Variants in PCDH15 observed in about 807,000 individuals in gnomAD.
The protein encoded by PCDH15 is protocadherin-15.
Under a neutral mutation model 178.5 loss-of-function variants are expected in PCDH15, and 129 were observed. The ratio of observed to expected loss-of-function variants is 0.72; its 90% CI spans 0.63 to 0.84. The LOEUF (loss-of-function observed/expected upper bound fraction) is 0.84. PCDH15 is among the 40% of genes least tolerant of loss of function. PCDH15 has a pLI of 0.00. For synonymous variants in PCDH15, 800 were observed against 732.0 expected (o/e 1.09, Z -1.50); for missense variants, 2,230 against 2,099.9 (o/e 1.06, Z -1.21).
intron 3 of PCDH15, among the ~76,000 whole-genome samples, chr10:54,879,192 G>C (rs1954212379): frequency 6.6e-6 from 1 of 151,698 alleles, no homozygotes; most frequent in Non-Finnish European, 1.5e-5. Flanking sequence ...TTGTGTGTGT[G>C]TGTGTGTGTG....
intron 13 of PCDH15, among the ~76,000 whole-genome samples, chr10:54,182,285 T>C (rs905534510): frequency 6.6e-6 from 1 of 152,174 alleles, no homozygotes; most frequent in Non-Finnish European, 1.5e-5. Context: ...TGATTTCTAA[T>C]TTTAATTAAC....
chr10:54,013,781 A>G (rs954941339), intron 20 of PCDH15, among the ~76,000 whole-genome samples: 1 of 152,158 alleles, frequency 6.6e-6, no homozygotes, highest in African/African-American at 2.4e-5. Flanking sequence ...TTATAGCACT[A>G]AATGCCCACA....
At chr10:55,587,180 A>G (rs1473104390) in intron 2 of PCDH15, among the ~76,000 whole-genome samples, 1 of 152,144 alleles carries the variant, frequency 6.6e-6, no homozygotes, top group Non-Finnish European at 1.5e-5. Flanking sequence ...ATGTTATACA[A>G]GAGAAGAAAA....
At chr10:54,968,915 T>C (rs1838863482) in intron 2 of PCDH15, among the ~76,000 whole-genome samples, 4 of 152,168 alleles carry the variant, frequency 2.6e-5, no homozygotes, top group Admixed American at 2.6e-4. Flanking sequence ...CTGTTAATCC[T>C]ATCCAGTATA....
intron 25 of PCDH15, among the ~76,000 whole-genome samples, chr10:53,928,595 G>T (rs561635535): frequency 2.0e-5 from 3 of 152,020 alleles, no homozygotes; most frequent in African/African-American, 7.2e-5. Flanking sequence ...TTTCTGCAAA[G>T]GTTGTTATTT....
chr10:54,608,371 C>A (rs1035858464), intron 2 of PCDH15, among the ~76,000 whole-genome samples: 2 of 151,698 alleles, frequency 1.3e-5, no homozygotes, highest in East Asian at 3.9e-4. Context: ...CTTAGAGAGG[C>A]TGATGTGGGA....
Position 55,582,613 on chromosome 10 carries a change from TATATATATATA to T in PCDH15, c.-156+45001_-156+45011del, listed in dbSNP as rs1391664087. ...GTGTATGTGTATATATATATATATA[TATATATATATA>T]TATATTTTTTTTTTTTTGCTATATT... On this transcript the variant is annotated intron_variant, in intron 2 of 5. Coordinates refer to the PCDH15 transcript ENST00000613346. Among the ~76,000 whole-genome samples, 28 of 93,108 alleles carry T rather than the reference TATATATATATA, an allele frequency of 3.0e-4. 2 individuals are homozygous for T. Among genetic ancestry groups the T allele is most frequent in the African/African-American group, 1.4e-3 (26 of 18,148 alleles). The allele number at this position is 93,108 out of a possible 152,430, so 61.1% of individuals were successfully genotyped here.
At chr10:53,946,065 T>C (rs1434541540) in intron 23 of PCDH15, among the ~76,000 whole-genome samples, 4 of 151,650 alleles carry the variant, frequency 2.6e-5, no homozygotes, top group Non-Finnish European at 5.9e-5. Flanking sequence ...CCAGTAAATA[T>C]GTGAAAAAAA....
At chr10:55,417,350 T>C (rs1589006924) in intron 2 of PCDH15, among the ~76,000 whole-genome samples, 2 of 151,696 alleles carry the variant, frequency 1.3e-5, no homozygotes, top group East Asian at 1.9e-4. Context: ...AAAGAATTCT[T>C]TGGGACTGAA....
At chr10:54,442,624 T>C (rs2075899571) in intron 3 of PCDH15, among the ~76,000 whole-genome samples, 1 of 150,050 alleles carries the variant, frequency 6.7e-6, no homozygotes, top group African/African-American at 2.4e-5. Context: ...TATGTGCAGA[T>C]TGTTTCATTT....
rs114965171 is a variant in PCDH15, at chr10:55,621,876, A to G, written c.-156+5749T>C. 2.0e-3 allele frequency among the ~76,000 whole-genome samples: 298 copies of G among 151,006 alleles called. 1 individual carries two copies. Among genetic ancestry groups the G allele is most frequent in the African/African-American group, 7.0e-3 (290 of 41,180 alleles). On this transcript the variant is annotated intron_variant, in intron 2 of 5. Transcript: ENST00000613346. ...TATGTATATGTGGACATATATACTA[A>G]CATATACATGATTTTCTGATTTGAA...
chr10:54,301,662 GA>G (rs2060157192), intron 8 of PCDH15, among the ~76,000 whole-genome samples: 1 of 152,210 alleles, frequency 6.6e-6, no homozygotes, highest in Non-Finnish European at 1.5e-5. Flanking sequence ...CCAGCCATTT[GA>G]TACTATGCTT....
chr10:54,660,971 A>G (rs2094481130), intron 2 of PCDH15, among the ~76,000 whole-genome samples: 1 of 152,110 alleles, frequency 6.6e-6, no homozygotes, highest in Admixed American at 6.6e-5. Flanking sequence ...GCAAAATAAT[A>G]AGAGCCGTCT....
chr10:54,222,878 A>G (rs574884522), intron 9 of PCDH15, among the ~76,000 whole-genome samples: 1 of 152,194 alleles, frequency 6.6e-6, no homozygotes, highest in Non-Finnish European at 1.5e-5. Context: ...TGTTGGATAC[A>G]TTTCGCAAAT....
chr10:54,196,000 A>G (rs1489990746), intron 10 of PCDH15, 111 bp from the exon 11 acceptor site: 2 of 933,066 alleles, frequency 2.1e-6, no homozygotes, highest in Non-Finnish European at 3.3e-6. Flanking sequence ...ATATCATCAC[A>G]TAAGGAAAAA....
intron 2 of PCDH15, among the ~76,000 whole-genome samples, chr10:55,101,910 A>G (rs1038849446): frequency 6.6e-6 from 1 of 151,738 alleles, no homozygotes; most frequent in Admixed American, 6.6e-5. Context: ...TCAATATGAA[A>G]AAATAATTAC....
intron 2 of PCDH15, among the ~76,000 whole-genome samples, chr10:55,064,304 CTTAA>C (rs964469047): frequency 1.3e-5 from 2 of 152,108 alleles, no homozygotes; most frequent in African/African-American, 2.4e-5. Flanking sequence ...ATCAAAATAA[CTTAA>C]TTGATTGACA....
intron 2 of PCDH15, among the ~76,000 whole-genome samples, chr10:54,960,006 T>C (rs1271683808): frequency 1.3e-5 from 2 of 152,162 alleles, no homozygotes; most frequent in African/African-American, 2.4e-5. Flanking sequence ...TTTTGGTCTT[T>C]GAAAATTTGT....
chr10:55,033,475 C>T (rs911128625), intron 2 of PCDH15, among the ~76,000 whole-genome samples: 1 of 152,158 alleles, frequency 6.6e-6, no homozygotes, highest in Non-Finnish European at 1.5e-5. Flanking sequence ...GTGTTTTGGA[C>T]TCACTTGGGA....
Sources: allele counts gnomAD v4.1 joint callset (sites outside exome capture counted in the v4.1 genomes callset), GRCh38; gene constraint gnomAD v4.1.1; transcripts MANE v1.5; gene names NCBI Gene and HGNC (gene_info 2026-07-23, HGNC 2026-07-21).